The following TJP1 variants were observed in gnomAD, a reference collection of about 807,000 sequenced individuals.
The protein encoded by TJP1 is tight junction protein ZO-1.
TJP1 carries 43 observed loss-of-function variants against 194.2 expected under a neutral mutation model. The ratio of observed to expected loss-of-function variants is 0.22; its 90% CI spans 0.17 to 0.29. The LOEUF (loss-of-function observed/expected upper bound fraction) is 0.29, where lower values mean the gene tolerates loss of function less well. Ranked by LOEUF, TJP1 falls within the 10% of genes least tolerant of loss-of-function variation. The pLI, the probability that TJP1 is intolerant of heterozygous loss-of-function variation, is 1.00. For synonymous variants in TJP1, 801 were observed against 779.0 expected, an observed-to-expected ratio of 1.03 and a Z score of -0.47; for missense variants, 1,971 against 2,185.7, an observed-to-expected ratio of 0.90 and a Z score of 1.96.
At chr15:29,936,587 T>A (rs1336313084) in intron 2 of TJP1, among the ~76,000 whole-genome samples, 1 of 152,164 alleles carries the variant, frequency 6.6e-6, no homozygotes, top group Non-Finnish European at 1.5e-5. Flanking sequence ...CTTGGCTTGG[T>A]TTCAGATTAG....
At chr15:29,822,568 C>G, upstream of TJP1, 31 of 304,712 alleles carry the variant, frequency 1.0e-4, no homozygotes, top group Non-Finnish European at 1.5e-4. Context: ...GGGGCCGCGG[C>G]GGGGGAGGGG....
At chr15:29,784,506 G>C (rs913042285) in intron 2 of TJP1, among the ~76,000 whole-genome samples, 3 of 152,034 alleles carry the variant, frequency 2.0e-5, no homozygotes, top group Non-Finnish European at 4.4e-5. Context: ...GTTTCGCCGT[G>C]TTGGCCAGGC....
chr15:29,783,618 C>A (rs549893346), intron 2 of TJP1, among the ~76,000 whole-genome samples: 2 of 152,290 alleles, frequency 1.3e-5, no homozygotes, highest in South Asian at 4.1e-4. Context: ...TGTAGTATAA[C>A]TATGCAGCCA....
chr15:29,730,537 C>T (rs994289653), intron 15 of TJP1, among the ~76,000 whole-genome samples: 5 of 151,434 alleles, frequency 3.3e-5, no homozygotes, highest in Non-Finnish European at 5.9e-5. Flanking sequence ...TTTGGGACTA[C>T]AGTGAGCAAT....
intron 2 of TJP1, among the ~76,000 whole-genome samples, chr15:29,937,209 A>C (rs949872666): frequency 3.3e-5 from 5 of 152,198 alleles, no homozygotes; most frequent in African/African-American, 1.2e-4. Flanking sequence ...GGTATTTGTA[A>C]AACCATTCAA....
At chr15:29,950,990 C>T (rs1477408871) in intron 2 of TJP1, among the ~76,000 whole-genome samples, 8 of 152,198 alleles carry the variant, frequency 5.3e-5, no homozygotes, top group Admixed American at 1.3e-4. Context: ...TAGAACAGTG[C>T]GTGGCATTTA....
intron 1 of TJP1, among the ~76,000 whole-genome samples, chr15:29,804,629 T>C (rs1159670945): frequency 6.6e-6 from 1 of 152,178 alleles, no homozygotes; most frequent in Non-Finnish European, 1.5e-5. Flanking sequence ...TACTTTTAAT[T>C]ACATTCATCT....
chr15:29,894,677 C>A (rs1412438635), intron 2 of TJP1, among the ~76,000 whole-genome samples: 12 of 152,178 alleles, frequency 7.9e-5, no homozygotes, highest in Admixed American at 7.9e-4. Flanking sequence ...ACCAGTGGCT[C>A]TACTGGTCTG....
At chr15:29,910,833 T>C (rs1389416814) in intron 2 of TJP1, among the ~76,000 whole-genome samples, 1 of 152,130 alleles carries the variant, frequency 6.6e-6, no homozygotes, top group Non-Finnish European at 1.5e-5. Flanking sequence ...GTCAATTATA[T>C]GTGATGGGGT....
chr15:29,772,201 G>T, intron 3 of TJP1, 35 bp from the exon 4 acceptor site: 1 of 1,303,902 alleles, frequency 7.7e-7, no homozygotes, highest in Non-Finnish European at 1.1e-6. Flanking sequence ...ATATGTTAGA[G>T]AAAAACATTC....
intron 16 of TJP1, 98 bp downstream of exon 16, chr15:29,727,839 G>T: frequency 1.1e-6 from 1 of 924,254 alleles, no homozygotes; most frequent in Non-Finnish European, 1.7e-6. Flanking sequence ...GTCAGTAATA[G>T]TCTCAGAAAA....
chr15:29,911,987 A>G (rs561760462), intron 2 of TJP1, among the ~76,000 whole-genome samples: 153 of 152,336 alleles, frequency 1.0e-3, no homozygotes, highest in African/African-American at 3.6e-3. Context: ...CTGGGCTGCT[A>G]TAACAAGATA....
At chr15:29,812,880 T>G (rs1219306388) in intron 1 of TJP1, among the ~76,000 whole-genome samples, 1 of 152,172 alleles carries the variant, frequency 6.6e-6, no homozygotes, top group Non-Finnish European at 1.5e-5. Context: ...ATAACTAAAA[T>G]GTAAGCCTAC....
chr15:29,819,072 T>C (rs997801986), intron 1 of TJP1, among the ~76,000 whole-genome samples: 1 of 152,174 alleles, frequency 6.6e-6, no homozygotes, highest in Non-Finnish European at 1.5e-5. Flanking sequence ...CCCGCCTTTA[T>C]TACTTCTTTA....
chr15:29,952,151 A>G (rs1428657546), intron 2 of TJP1, among the ~76,000 whole-genome samples: 2 of 152,106 alleles, frequency 1.3e-5, no homozygotes, highest in South Asian at 2.1e-4. Flanking sequence ...CCCCAGGGGG[A>G]AAAAAAAGAA....
At chr15:29,820,473 T>G (rs1421396894) in intron 1 of TJP1, 1 of 714,106 alleles carries the variant, frequency 1.4e-6, no homozygotes, top group Non-Finnish European at 2.6e-6. Context: ...GTGATGCTTT[T>G]CAATATGCCA....
chr15:29,703,817 ATT>A (rs2041713783), intron 27 of TJP1, among the ~76,000 whole-genome samples: 1 of 151,810 alleles, frequency 6.6e-6, no homozygotes, highest in Non-Finnish European at 1.5e-5. Flanking sequence ...TAATTTTTGT[ATT>A]TTTAGTAGAG....
chr15:29,890,970 A>G (rs2053287952), intron 2 of TJP1, among the ~76,000 whole-genome samples: 1 of 152,250 alleles, frequency 6.6e-6, no homozygotes, highest in African/African-American at 2.4e-5. Flanking sequence ...AGGCAAGGGC[A>G]CTGGCACCAG....
intron 10 of TJP1, among the ~76,000 whole-genome samples, chr15:29,739,873 A>G (rs1444191994): frequency 6.6e-6 from 1 of 152,224 alleles, no homozygotes; most frequent in Non-Finnish European, 1.5e-5. Context: ...TTGAATTATC[A>G]ATTACCTAAT....
Sources: gnomAD v4.1 joint callset for allele counts (sites outside exome capture counted in the v4.1 genomes callset) on GRCh38, gnomAD v4.1.1 for gene constraint, MANE v1.5 for transcripts, NCBI Gene and HGNC (gene_info 2026-07-23, HGNC 2026-07-21) for gene names.